CDK14: variants seen among roughly 807,000 people sequenced by gnomAD.
The protein encoded by CDK14 is cyclin-dependent kinase 14.
CDK14 carries 34 observed loss-of-function variants against 60.7 expected under a neutral mutation model. The ratio of observed to expected loss-of-function variants is 0.56; its 90% CI spans 0.43 to 0.75. The LOEUF is 0.75. Among genes scored for constraint, CDK14 ranks in the 30% least tolerant of loss-of-function variants. The pLI is 0.00. For missense variants in CDK14, 482 were observed against 564.1 expected (o/e 0.85, Z 1.47); for synonymous variants, 197 against 203.7 (o/e 0.97, Z 0.28).
intron 2 of CDK14, among the ~76,000 whole-genome samples, chr7:90,633,521 T>C (rs17868868): frequency 6.6e-6 from 1 of 152,192 alleles, no homozygotes; most frequent in Admixed American, 6.5e-5. Flanking sequence ...GGAATCACCA[T>C]AGTTTATGTT....
intron 10 of CDK14, among the ~76,000 whole-genome samples, chr7:90,995,472 T>C (rs1795657938): frequency 6.6e-6 from 1 of 152,168 alleles, no homozygotes; most frequent in African/African-American, 2.4e-5. Context: ...AGATAATAAG[T>C]GTTTGTTACT....
intron 10 of CDK14, among the ~76,000 whole-genome samples, chr7:91,032,287 C>A (rs1041343470): frequency 4.6e-5 from 7 of 152,044 alleles, no homozygotes; most frequent in Non-Finnish European, 1.0e-4. Context: ...CTTCATATAC[C>A]TTATATGTAT....
At chr7:91,198,482 A>G (rs1802620801) in intron 14 of CDK14, among the ~76,000 whole-genome samples, 2 of 152,244 alleles carry the variant, frequency 1.3e-5, no homozygotes, top group African/African-American at 4.8e-5. Flanking sequence ...ACATGTAACC[A>G]AACCAAACGA....
chr7:91,038,045 G>A (rs896665252), intron 10 of CDK14, among the ~76,000 whole-genome samples: 8 of 152,084 alleles, frequency 5.3e-5, no homozygotes, highest in Non-Finnish European at 1.0e-4. Flanking sequence ...CTGTGGACAG[G>A]GCCTTGTCAC....
intron 2 of CDK14, among the ~76,000 whole-genome samples, chr7:90,688,764 T>G (rs889869039): frequency 6.6e-6 from 1 of 152,176 alleles, no homozygotes; most frequent in African/African-American, 2.4e-5. Flanking sequence ...TAATCTCCAC[T>G]GGTGTAGTCA....
intron 10 of CDK14, among the ~76,000 whole-genome samples, chr7:91,019,474 C>A (rs965510424): frequency 3.3e-5 from 5 of 152,108 alleles, no homozygotes; most frequent in African/African-American, 9.7e-5. Flanking sequence ...AATTCAAAAT[C>A]TTTTTAGTCT....
At chr7:90,670,719 C>T (rs1232215639) in intron 2 of CDK14, among the ~76,000 whole-genome samples, 1 of 152,114 alleles carries the variant, frequency 6.6e-6, no homozygotes, top group East Asian at 1.9e-4. Context: ...GTCATGAGGA[C>T]AGCACCAAAA....
intron 9 of CDK14, among the ~76,000 whole-genome samples, chr7:90,962,698 A>G (rs1794636496): frequency 6.6e-6 from 1 of 152,202 alleles, no homozygotes; most frequent in South Asian, 2.1e-4. Context: ...CCCCATTTTA[A>G]ATCAATGTTT....
At chr7:90,623,144 T>C (rs1350930325) in intron 2 of CDK14, among the ~76,000 whole-genome samples, 1 of 152,092 alleles carries the variant, frequency 6.6e-6, no homozygotes, top group Non-Finnish European at 1.5e-5. Flanking sequence ...TTCCGTAATC[T>C]TTTTTCTTTA....
intron 8 of CDK14, among the ~76,000 whole-genome samples, chr7:90,939,474 G>C (rs1793850464): frequency 6.6e-6 from 1 of 152,190 alleles, no homozygotes; most frequent in Non-Finnish European, 1.5e-5. Context: ...AGGATACATA[G>C]ATTGTCGGGT....
intron 4 of CDK14, among the ~76,000 whole-genome samples, chr7:90,769,389 T>G (rs923807117): frequency 6.6e-6 from 1 of 152,162 alleles, no homozygotes; most frequent in Admixed American, 6.6e-5. Flanking sequence ...AGAATGCTTT[T>G]TATTAGTGAC....
intron 12 of CDK14, among the ~76,000 whole-genome samples, chr7:91,105,734 C>T (rs932119623): frequency 6.6e-6 from 1 of 152,138 alleles, no homozygotes; most frequent in Non-Finnish European, 1.5e-5. Flanking sequence ...AAATTGAACT[C>T]TCCTGTCACC....
rs566441633 is a variant in CDK14 at position 90,711,172 on chromosome 7, G to C, written c.124-15395G>C. ...TTGTGACATAAGTAAATTTAAGAAA[G>C]ATCGCCTGATTAGTTGATAGGCTAA... On this transcript the variant is annotated intron_variant, in intron 2 of 14. Transcript: ENST00000380050. 9.2e-5 allele frequency among the ~76,000 whole-genome samples: 14 copies of C among 152,138 alleles called. No homozygotes were observed. The South Asian group carries it at 2.7e-3, about 29-fold the overall frequency.
intron 9 of CDK14, among the ~76,000 whole-genome samples, chr7:90,960,498 T>G (rs544583038): frequency 6.6e-6 from 1 of 152,036 alleles, no homozygotes; most frequent in Non-Finnish European, 1.5e-5. Flanking sequence ...TGATTTAAGA[T>G]TAAAATTAAT....
chr7:91,177,543 T>C (rs1204725516), intron 14 of CDK14, among the ~76,000 whole-genome samples: 1 of 152,098 alleles, frequency 6.6e-6, no homozygotes, highest in Non-Finnish European at 1.5e-5. Flanking sequence ...GACGACATGA[T>C]TGTATATCTA....
chr7:90,634,673 G>T (rs1453487025), intron 2 of CDK14, among the ~76,000 whole-genome samples: 1 of 151,870 alleles, frequency 6.6e-6, no homozygotes, highest in Non-Finnish European at 1.5e-5. Flanking sequence ...GGGTCAAATG[G>T]TATTTCTAGT....
chr7:90,781,301 A>C (rs1353694544), intron 4 of CDK14, among the ~76,000 whole-genome samples: 1 of 152,062 alleles, frequency 6.6e-6, no homozygotes, highest in African/African-American at 2.4e-5. Context: ...AGTTCATTGT[A>C]GATTCTGGAT....
intron 4 of CDK14, among the ~76,000 whole-genome samples, chr7:90,761,239 A>T (rs1174822982): frequency 1.3e-5 from 2 of 152,008 alleles, no homozygotes; most frequent in African/African-American, 2.4e-5. Flanking sequence ...TGGACAGGAG[A>T]CGCTCAATAC....
intron 7 of CDK14, among the ~76,000 whole-genome samples, chr7:90,915,440 AGT>A (rs1188311563): frequency 3.3e-5 from 5 of 151,992 alleles, no homozygotes; most frequent in Non-Finnish European, 5.9e-5. Context: ...CAGCATGCTG[AGT>A]GTTGAGGTAG....
Sources: allele counts gnomAD v4.1 joint callset (sites outside exome capture counted in the v4.1 genomes callset), GRCh38; gene constraint gnomAD v4.1.1; transcripts MANE v1.5; gene names NCBI Gene and HGNC (gene_info 2026-07-23, HGNC 2026-07-21).